Variants in ELSPBP1 observed in about 807,000 individuals in gnomAD.
ELSPBP1 encodes the protein epididymal sperm binding protein 1.
In ELSPBP1, 38 loss-of-function variants were observed where a neutral mutation model predicts 33.3. The observed-to-expected ratio is 1.14, with a 90% CI of 0.88 to 1.50. ELSPBP1 has a LOEUF of 1.50. Among genes scored for constraint, ELSPBP1 ranks in the 40% most tolerant of loss-of-function variants. ELSPBP1 has a pLI of 0.00. For synonymous variants in ELSPBP1, 85 were observed against 94.1 expected, an observed-to-expected ratio of 0.90 and a Z score of 0.56; for missense variants, 267 against 263.5, an observed-to-expected ratio of 1.01 and a Z score of -0.09.
At chr19:48,012,804 T>TA (rs1568406305) in intron 2 of ELSPBP1, among the ~76,000 whole-genome samples, 2 of 152,160 alleles carry the variant, frequency 1.3e-5, no homozygotes, top group East Asian at 3.9e-4. Context: ...TTCTTCACTT[T>TA]AAAAAATTCA....
chr19:48,016,208 A>G (rs1355699397), intron 4 of ELSPBP1, among the ~76,000 whole-genome samples, 169 bp downstream of exon 4: 1 of 152,216 alleles, frequency 6.6e-6, no homozygotes, highest in Admixed American at 6.5e-5. Context: ...AGACAGGGGT[A>G]TCCCGAGGCC....
intron 6 of ELSPBP1, among the ~76,000 whole-genome samples, chr19:48,022,966 C>A (rs1208863380): frequency 6.6e-6 from 1 of 151,852 alleles, no homozygotes; most frequent in Non-Finnish European, 1.5e-5. Flanking sequence ...TCAGAGGATC[C>A]CTTGAACTCA....
intron 1 of ELSPBP1, among the ~76,000 whole-genome samples, chr19:48,004,081 T>G (rs1476866915): frequency 6.6e-6 from 1 of 151,700 alleles, no homozygotes; most frequent in Non-Finnish European, 1.5e-5. Flanking sequence ...GTAGCTGGAA[T>G]TACAGGCACG....
chr19:48,016,457 TTTCTTTCCTTCTTTC>T (rs1967134931), intron 4 of ELSPBP1, among the ~76,000 whole-genome samples: 1 of 30,882 alleles, frequency 3.2e-5, no homozygotes, highest in South Asian at 1.3e-3. Flanking sequence ...TTCTCTTTCT[TTTCTTTCCTTCTTTC>T]TTTCTTTCTT....
intron 1 of ELSPBP1, among the ~76,000 whole-genome samples, chr19:48,000,368 G>A (rs909427256): frequency 9.2e-5 from 14 of 151,900 alleles, no homozygotes; most frequent in Admixed American, 6.6e-5. Flanking sequence ...AGTCTCCTGA[G>A]TAGCTGGGAT....
intron 5 of ELSPBP1, 38 bp from the exon 6 acceptor site, chr19:48,022,132 G>T (rs1312204810): frequency 6.3e-7 from 1 of 1,585,778 alleles, no homozygotes; most frequent in African/African-American, 1.3e-5. Flanking sequence ...TGTGAAGCCT[G>T]AGGAGTAACC....
At chr19:48,005,474 G>A (rs911897142) in intron 1 of ELSPBP1, among the ~76,000 whole-genome samples, 2 of 152,172 alleles carry the variant, frequency 1.3e-5, no homozygotes, top group African/African-American at 4.8e-5. Context: ...TACAACTCAG[G>A]TGGTTGAGAA....
Position 48,011,069 on chromosome 19 carries a change from A to G in ELSPBP1, c.70+2332A>G, listed in dbSNP as rs1454752474. 6.6e-6 allele frequency among the ~76,000 whole-genome samples: 1 copy of G among 152,174 alleles called. No individual in the cohort carries two copies. Among genetic ancestry groups the G allele is most frequent in the Admixed American group, 6.5e-5 (1 of 15,268 alleles). On this transcript the variant is annotated intron_variant, in intron 2 of 6. Coordinates refer to ENST00000339841, the MANE Select transcript of ELSPBP1 (RefSeq NM_022142.5). The surrounding 1 kb of genome is among the most constrained non-coding windows in gnomAD (Gnocchi z 4.5). ...TGATGATATGACGATGATGACAATG[A>G]TGACGGTAATGATGACAACAATAAT...
Position 48,023,910 on chromosome 19 carries a change from G to A in ELSPBP1, c.*8-1042G>A, listed in dbSNP as rs189758481. 3.1e-3 allele frequency among the ~76,000 whole-genome samples: 468 copies of A among 148,716 alleles called. 4 individuals carry two copies. Among genetic ancestry groups the A allele is most frequent in the African/African-American group, 0.011 (426 of 40,202 alleles). On this transcript the variant is annotated intron_variant, in intron 6 of 6. Coordinates refer to ENST00000339841, the MANE Select transcript of ELSPBP1 (RefSeq NM_022142.5). ...TTTTGAGACGGGGTCTCACTCTGTC[G>A]CCCAGGCTGGAGTGCAGTGGTGCAA...
At position 48,004,178 on chromosome 19, in the gene ELSPBP1, A is replaced by C. The variant is rs544339880; in HGVS notation, c.-17-4473A>C. 1.4e-4 allele frequency among the ~76,000 whole-genome samples: 22 copies of C among 152,166 alleles called. No individual in the cohort carries two copies. The South Asian group carries it at 4.6e-3, about 32-fold the overall frequency. ...AGGCTGGTCATGAACTCCTGACCTC[A>C]GATGATCTGCCCGCCTCGGCCTCCC... On this transcript the variant is annotated intron_variant, in intron 1 of 6. Coordinates refer to ENST00000339841, the MANE Select transcript of ELSPBP1 (RefSeq NM_022142.5).
chr19:47,995,176 G>A (rs1966901613), intron 1 of ELSPBP1, among the ~76,000 whole-genome samples: 1 of 152,220 alleles, frequency 6.6e-6, no homozygotes, highest in South Asian at 2.1e-4. Context: ...TCAAGAACCA[G>A]AAGTAGCTGG....
At chr19:48,013,716 CAAAAA>C (rs35241354) in intron 2 of ELSPBP1, among the ~76,000 whole-genome samples, 1 of 135,166 alleles carries the variant, frequency 7.4e-6, no homozygotes, top group East Asian at 2.1e-4. Flanking sequence ...GACTTCATCT[CAAAAA>C]AAAAAAAAGT....
At chr19:48,007,945 G>C (rs1431648385) in intron 1 of ELSPBP1, among the ~76,000 whole-genome samples, 2 of 152,164 alleles carry the variant, frequency 1.3e-5, no homozygotes, top group Non-Finnish European at 2.9e-5. Flanking sequence ...TGTTCAACAA[G>C]TGTTTCATTT....
chr19:48,004,967 C>T (rs1445404447), intron 1 of ELSPBP1, among the ~76,000 whole-genome samples: 1 of 152,150 alleles, frequency 6.6e-6, no homozygotes, highest in African/African-American at 2.4e-5. Flanking sequence ...GGAGGCTACG[C>T]AGGAGGATGG....
intron 1 of ELSPBP1, among the ~76,000 whole-genome samples, chr19:47,997,439 T>A (rs1791093887): frequency 6.6e-6 from 1 of 152,202 alleles, no homozygotes; most frequent in African/African-American, 2.4e-5. Context: ...TATATACACA[T>A]CTATAATGTA....
chr19:48,012,983 C>T (rs1208261800), intron 2 of ELSPBP1, among the ~76,000 whole-genome samples: 1 of 152,136 alleles, frequency 6.6e-6, no homozygotes, highest in African/African-American at 2.4e-5. Flanking sequence ...TCCTGCTCCC[C>T]ACCCCCCTCT....
chr19:47,999,546 G>A (rs1447622098), intron 1 of ELSPBP1, among the ~76,000 whole-genome samples: 3 of 151,808 alleles, frequency 2.0e-5, no homozygotes, highest in South Asian at 2.1e-4. Context: ...GTGTCACCAC[G>A]CCTGGCTAAT....
At chr19:48,003,703 A>ATTTTTTT (rs35103928) in intron 1 of ELSPBP1, among the ~76,000 whole-genome samples, 1 of 141,680 alleles carries the variant, frequency 7.1e-6, no homozygotes, top group Non-Finnish European at 1.5e-5. Flanking sequence ...CGCCCAGCTA[A>ATTTTTTT]TTTTTTTTTT....
chr19:48,017,751 C>T (rs1489735891), intron 4 of ELSPBP1, among the ~76,000 whole-genome samples: 1 of 151,902 alleles, frequency 6.6e-6, no homozygotes, highest in Non-Finnish European at 1.5e-5. Context: ...AAAAAATTAA[C>T]TGATCATGGT....
Sources: allele counts gnomAD v4.1 joint callset (sites outside exome capture counted in the v4.1 genomes callset), GRCh38; gene constraint gnomAD v4.1.1; non-coding constraint Gnocchi (gnomAD v3.1); transcripts MANE v1.5; gene names NCBI Gene and HGNC (gene_info 2026-07-23, HGNC 2026-07-21).